Variants in SH3BP2 observed in about 807,000 individuals in gnomAD.
SH3BP2 encodes SH3 domain-binding protein 2.
SH3BP2 carries 38 observed loss-of-function variants against 56.2 expected under a neutral mutation model. That is an observed-to-expected ratio of 0.68 (90% CI 0.52 to 0.89). SH3BP2 has a LOEUF of 0.89. SH3BP2 is among the 40% of genes least tolerant of loss of function. SH3BP2 has a pLI of 0.00. For synonymous variants in SH3BP2, 346 were observed against 316.7 expected (o/e 1.09, Z -0.98); for missense variants, 748 against 762.6 (o/e 0.98, Z 0.23).
At chr4:2,811,585 G>A (rs1025789814) in intron 1 of SH3BP2, among the ~76,000 whole-genome samples, 1 of 152,230 alleles carries the variant, frequency 6.6e-6, no homozygotes, top group Non-Finnish European at 1.5e-5. Context: ...GGGAGGGGCC[G>A]AATTCTGAGC....
At chr4:2,822,260 A>G (rs1724351284) in intron 2 of SH3BP2, among the ~76,000 whole-genome samples, 1 of 152,032 alleles carries the variant, frequency 6.6e-6, no homozygotes, top group Admixed American at 6.6e-5. Flanking sequence ...GGCTCAAATG[A>G]TCCTCCCACC....
At chr4:2,794,305 C>T (rs1175100957) in intron 1 of SH3BP2, 2 of 152,512 alleles carry the variant, frequency 1.3e-5, no homozygotes, top group South Asian at 4.1e-4. Flanking sequence ...AAGCTCCTGC[C>T]CTCACTGGCT....
chr4:2,818,427 C>A, intron 1 of SH3BP2: 2 of 1,116,096 alleles, frequency 1.8e-6, no homozygotes, highest in South Asian at 4.4e-5. Flanking sequence ...CCCCGGGACC[C>A]GGGCCGCGAG....
At chr4:2,813,341 C>CTTTGGCCAA (rs1723846893) in intron 1 of SH3BP2, among the ~76,000 whole-genome samples, 1 of 152,222 alleles carries the variant, frequency 6.6e-6, no homozygotes, top group Non-Finnish European at 1.5e-5. Flanking sequence ...CAAGTTTCTT[C>CTTTGGCCAA]GTCAGTGACT....
chr4:2,832,094 G>T, intron 10 of SH3BP2, 116 bp downstream of exon 10: 1 of 1,168,956 alleles, frequency 8.6e-7, no homozygotes. Flanking sequence ...ATGGCCCTGC[G>T]TGCAGCAGAA....
At position 2,823,112 on chromosome 4, in the gene SH3BP2, C is replaced by T. The variant is rs544846091; in HGVS notation, c.239+75C>T. 7.4e-6 allele frequency: 8 copies of T among 1,081,684 alleles called. No individual in the cohort carries two copies. In the South Asian group the frequency reaches 9.0e-5, roughly 12 times the overall value. 67.0% of individuals were successfully genotyped at this position (1,081,684 alleles called of 1,614,324 possible). A position where few individuals can be genotyped will look rare whatever the true frequency, so the allele number is the denominator to read the frequency against. ...CCCTCCCAGCAGAGCCCCAGCTGGG[C>T]CTGCCCCTTATTCCCGCCCAAGGAA... On this transcript the variant is annotated intron_variant, in intron 3 of 12. Transcript: ENST00000503393.
intron 1 of SH3BP2, among the ~76,000 whole-genome samples, chr4:2,805,058 G>A (rs1281378013): frequency 6.6e-6 from 1 of 152,214 alleles, no homozygotes; most frequent in East Asian, 1.9e-4. Context: ...CTGTGGGCAG[G>A]GAAGCACCCC....
Position 2,829,387 on chromosome 4 carries a change from C to G in SH3BP2, c.587-106C>G. 1 of 1,213,442 alleles carries G rather than the reference C, an allele frequency of 8.2e-7. No homozygotes were observed. The highest frequency in any genetic ancestry group is 1.2e-6 in the Non-Finnish European group (1 of 820,738). The allele number at this position is 1,213,442 out of a possible 1,614,324, so 75.2% of individuals were successfully genotyped here. On this transcript the variant is annotated intron_variant, in intron 7 of 12. Transcript: ENST00000503393. The surrounding 1 kb of genome is among the most constrained non-coding windows in gnomAD (Gnocchi z 4.9). Reference sequence around the variant, plus strand: ...CTGGGTGGGCAGGCTGTGGGGTGGGCCTACCATGGGTTGCACTCCTGGTTG... The same window carrying G: ...CTGGGTGGGCAGGCTGTGGGGTGGGGCTACCATGGGTTGCACTCCTGGTTG...
At chr4:2,832,035 T>C in intron 10 of SH3BP2, 57 bp downstream of exon 10, 2 of 1,561,726 alleles carry the variant, frequency 1.3e-6, no homozygotes. Context: ...TTCCTGCTTC[T>C]GTGTCCCTCT....
intron 1 of SH3BP2, 61 bp downstream of exon 1, chr4:2,793,199 G>C (rs1722953343): frequency 6.9e-6 from 1 of 145,004 alleles, no homozygotes; most frequent in African/African-American, 2.5e-5. Flanking sequence ...CGGTCTCCGC[G>C]TCTGGAAGGG....
At position 2,836,673 on chromosome 4, in the gene SH3BP2, G is replaced by C. The variant is rs1395709892; in HGVS notation, c.*2839G>C. ...TGCCTGGCTCCCAGGGCTAGGGTTA[G>C]GGCTCTGGAGGTGCTTTCACTCAAC... is the stretch of plus-strand genomic sequence containing the variant. On this transcript the variant is annotated 3_prime_UTR_variant, in exon 13 of 13. Transcript: ENST00000503393. The C allele has an allele frequency of 6.6e-6, 1 of 152,270 alleles. No homozygotes were observed. The highest frequency in any genetic ancestry group is 1.5e-5 in the Non-Finnish European group (1 of 68,064). 9.4% of individuals were successfully genotyped at this position (152,270 alleles called of 1,614,324 possible).
At chr4:2,817,383 A>C (rs1268689133) in intron 1 of SH3BP2, among the ~76,000 whole-genome samples, 2 of 152,232 alleles carry the variant, frequency 1.3e-5, no homozygotes, top group African/African-American at 4.8e-5. Flanking sequence ...AAGGGCACTG[A>C]GAACAGAGGC....
rs762558421 is a variant in SH3BP2, at chr4:2,832,354, G to C, written c.1430G>C (p.Arg477Pro). Residue 477 changes from arginine (R) to proline (P), a missense_variant, in exon 11 of 13, where the codon CGG becomes CCG. Transcript: ENST00000503393. Reference sequence around the variant, plus strand: ...AGGTTGTTCAAGGCTACAAGCCCCCGGGGAGAGCCCCAGGATGGACTCTAC... The same window carrying C: ...AGGTTGTTCAAGGCTACAAGCCCCCCGGGAGAGCCCCAGGATGGACTCTAC... The part of the protein sequence containing the change: ...VERLFKATSP[R>P]GEPQDGLYCI... 6 of 1,613,990 alleles carry C rather than the reference G, an allele frequency of 3.7e-6. No homozygotes were observed. The African/African-American group carries it at 6.7e-5, about 18-fold the overall frequency.
Position 2,835,294 on chromosome 4 carries a change from G to A in SH3BP2, c.*1460G>A, listed in dbSNP as rs1379298282. On this transcript the variant is annotated 3_prime_UTR_variant, in exon 13 of 13. Transcript: ENST00000503393. ...CGGAAACAAGTGATGAGGCTGGTTAGCGGATGTGGGAGGCTGTGACCCCAG... is the reference window on the plus strand; with the variant it reads ...CGGAAACAAGTGATGAGGCTGGTTAACGGATGTGGGAGGCTGTGACCCCAG... 1.3e-5 allele frequency: 2 copies of A among 152,296 alleles called. No homozygotes were observed. The highest frequency in any genetic ancestry group is 2.9e-5 in the Non-Finnish European group (2 of 68,144). The allele number at this position is 152,296 out of a possible 1,614,324, so 9.4% of individuals were successfully genotyped here.
In SH3BP2 at chr4:2,831,773, T is replaced by C. The variant is rs1269391; in HGVS notation, c.1350+94T>C. 77,850 of 1,361,784 alleles carry C rather than the reference T, an allele frequency of 0.057. 2,839 individuals carry two copies. Among genetic ancestry groups the C allele is most frequent in the African/African-American group, 0.15 (10,184 of 69,348 alleles). The allele number at this position is 1,361,784 out of a possible 1,614,324, so 84.4% of individuals were successfully genotyped here. ...CAGGGCGGCCCCTCACAGACCGTCC[T>C]GAGCAAGGACCCCCCGAGAACCCGG... On this transcript the variant is annotated intron_variant, in intron 9 of 12. Transcript: ENST00000503393. This position sits in a 1 kb window ranked among gnomAD's most constrained non-coding sequence, Gnocchi z 4.1.
chr4:2,827,637 C>T lies in SH3BP2; in HGVS notation c.549C>T (p.Tyr183=), dbSNP rs1190889745. The T allele has an allele frequency of 3.1e-6, 5 of 1,598,414 alleles. No individual in the cohort carries two copies. The highest frequency in any genetic ancestry group is 1.3e-5 in the African/African-American group (1 of 74,714). ...AGCACGACGATGAGGATGACTCCTA[C>T]CTGGAGCCTGACTCCCCGGAGCCCG... ...DYEHDDEDDS[Y]LEPDSPEPGR... The change falls in exon 7 of 13, where the codon TAC becomes TAT. Residue 183 remains tyrosine, a synonymous_variant. Coordinates refer to ENST00000503393, the MANE Select transcript of SH3BP2 (RefSeq NM_001122681.2).
At chr4:2,808,226 G>T (rs1577342964) in intron 1 of SH3BP2, among the ~76,000 whole-genome samples, 1 of 152,164 alleles carries the variant, frequency 6.6e-6, no homozygotes, top group Non-Finnish European at 1.5e-5. Context: ...GGTGGCCGGC[G>T]ATCCTCGGTG....
At position 2,840,305 on chromosome 4, in the gene SH3BP2, G is replaced by T. The variant is rs574171896; in HGVS notation, c.*6471G>T. On this transcript the variant is annotated 3_prime_UTR_variant, in exon 13 of 13. Coordinates refer to ENST00000503393, the MANE Select transcript of SH3BP2 (RefSeq NM_001122681.2). ...CCAAGGTCATGAAGATAGTCTCTTA[G>T]ATTATATTCTGAAATCCTTATAAAT... The T allele has an allele frequency of 1.3e-5, 2 of 149,200 alleles. No homozygotes were observed. Among genetic ancestry groups the T allele is most frequent in the East Asian group, 3.9e-4 (2 of 5,080 alleles). The allele number at this position is 149,200 out of a possible 1,614,324, so 9.2% of individuals were successfully genotyped here.
intron 1 of SH3BP2, among the ~76,000 whole-genome samples, chr4:2,808,643 C>T (rs1366469963): frequency 6.6e-6 from 1 of 152,106 alleles, no homozygotes; most frequent in African/African-American, 2.4e-5. Flanking sequence ...CTGGGGAGAG[C>T]CTGGGAGGGT....
Sources: allele counts gnomAD v4.1 joint callset (sites outside exome capture counted in the v4.1 genomes callset), GRCh38; gene constraint gnomAD v4.1.1; non-coding constraint Gnocchi (gnomAD v3.1); transcripts MANE v1.5; gene names NCBI Gene and HGNC (gene_info 2026-07-23, HGNC 2026-07-21).